GLI3: variants seen among roughly 807,000 people sequenced by gnomAD.
The protein encoded by GLI3 is GLI family zinc finger 3, also known as transcription activator GLI3.
A neutral mutation model predicts 100.8 loss-of-function variants in GLI3; 20 were observed. The ratio of observed to expected loss-of-function variants is 0.20; its 90% CI spans 0.14 to 0.29. The LOEUF is 0.29. GLI3 is among the 10% of genes least tolerant of loss of function. The pLI, the probability that GLI3 is intolerant of heterozygous loss-of-function variation, is 1.00. For synonymous variants in GLI3, 938 were observed against 860.5 expected, an observed-to-expected ratio of 1.09 and a Z score of -1.58; for missense variants, 2,040 against 2,128.5, an observed-to-expected ratio of 0.96 and a Z score of 0.82.
chr7:41,982,712 A>AG (rs983222167), intron 10 of GLI3, among the ~76,000 whole-genome samples: 8 of 151,960 alleles, frequency 5.3e-5, no homozygotes, highest in African/African-American at 1.9e-4. Flanking sequence ...AAAAAAAAAA[A>AG]AAAGAAAATA....
chr7:42,158,556 CTT>C (rs1340979648), intron 2 of GLI3, among the ~76,000 whole-genome samples: 1 of 151,698 alleles, frequency 6.6e-6, no homozygotes, highest in African/African-American at 2.4e-5. Flanking sequence ...AAGGCACAAT[CTT>C]AGCTCACTAC....
At position 41,965,802 on chromosome 7, in the gene GLI3, A is replaced by G. The variant is rs760010914; in HGVS notation, c.3271T>C (p.Phe1091Leu). The change falls in exon 15 of 15, where the codon TTC becomes CTC. Residue 1091 changes from phenylalanine to leucine, a missense_variant. This residue lies in a region of GLI3 where 1,041 missense variants were observed against 924.0 expected (regional missense o/e 1.13). Transcript: ENST00000395925. The part of the protein sequence containing the change: ...DADANLNDED[F>L]LPDDVVQYLN... Reference sequence around the variant, plus strand: ...TACTGCACCACGTCGTCCGGCAGGAAATCCTCATCGTTCAGGTTGGCATCA... The same window carrying G: ...TACTGCACCACGTCGTCCGGCAGGAGATCCTCATCGTTCAGGTTGGCATCA... 1 of 1,612,804 alleles carries G rather than the reference A, an allele frequency of 6.2e-7. No homozygotes were observed. Among genetic ancestry groups the G allele is most frequent in the Non-Finnish European group, 8.5e-7 (1 of 1,179,900 alleles).
chr7:42,130,421 T>C (rs1786246667), intron 3 of GLI3, among the ~76,000 whole-genome samples: 1 of 152,170 alleles, frequency 6.6e-6, no homozygotes, highest in Non-Finnish European at 1.5e-5. Context: ...TTTAGAAGGT[T>C]TTAGAAAGCA....
At chr7:42,233,886 G>A (rs1429198140) in intron 1 of GLI3, among the ~76,000 whole-genome samples, 1 of 152,158 alleles carries the variant, frequency 6.6e-6, no homozygotes, top group South Asian at 2.1e-4. Context: ...AAACGTGTGT[G>A]TATGTGTGTG....
chr7:42,026,124 T>G, intron 8 of GLI3, 75 bp downstream of exon 8: 5 of 936,884 alleles, frequency 5.3e-6, no homozygotes, highest in Non-Finnish European at 8.5e-6. Flanking sequence ...CCGTGTTGAT[T>G]AACAGCTGAC....
chr7:42,212,472 A>G (rs1788290172), intron 2 of GLI3, among the ~76,000 whole-genome samples: 1 of 152,252 alleles, frequency 6.6e-6, no homozygotes, highest in Non-Finnish European at 1.5e-5. Flanking sequence ...TTTATAAAGA[A>G]GACTCCATTT....
chr7:42,229,183 C>A (rs144168547), intron 1 of GLI3, among the ~76,000 whole-genome samples: 213 of 152,352 alleles, frequency 1.4e-3, no homozygotes, highest in African/African-American at 4.4e-3. Flanking sequence ...CAGCAGACTA[C>A]TTCATTTATT....
intron 3 of GLI3, among the ~76,000 whole-genome samples, chr7:42,082,269 C>T (rs1442975179): frequency 2.0e-5 from 3 of 152,056 alleles, no homozygotes; most frequent in African/African-American, 7.2e-5. Flanking sequence ...CTTCTCCAGT[C>T]ATCATCCTCG....
chr7:42,142,855 C>G (rs1050291466), intron 3 of GLI3, among the ~76,000 whole-genome samples: 2 of 142,418 alleles, frequency 1.4e-5, no homozygotes, highest in East Asian at 4.4e-4. Flanking sequence ...AGGAGAATGA[C>G]ATGAACCCGG....
chr7:42,261,161 C>T (rs1314248094), intron 1 of GLI3, among the ~76,000 whole-genome samples: 1 of 151,080 alleles, frequency 6.6e-6, no homozygotes, highest in Non-Finnish European at 1.5e-5. Context: ...GTGGAGCAGG[C>T]ATGTCACATG....
intron 4 of GLI3, among the ~76,000 whole-genome samples, chr7:42,069,926 T>A (rs921575258): frequency 6.6e-6 from 1 of 152,224 alleles, no homozygotes; most frequent in African/African-American, 2.4e-5. Context: ...AAGACCTCTC[T>A]GAGAAGCAGA....
rs202182779 is a variant in GLI3, at chr7:41,966,072, C to T, written c.3001G>A (p.Gly1001Ser). The change falls in exon 15 of 15, where the codon GGC becomes AGC. Residue 1001 changes from glycine to serine, a missense_variant. Transcript: ENST00000395925. The surrounding 1 kb of genome is among the most constrained non-coding windows in gnomAD (Gnocchi z 5.8). ...ACCGGGTCGCTGGCCCTCCTCACGC[C>T]GTGGCCCGGCGCATCGTGCGGCTGC... ...HLQPHDAPGH[G>S]VRRASDPVRT... The T allele has an allele frequency of 1.0e-3, 1,629 of 1,571,886 alleles. 1 individual carries two copies. The highest frequency in any genetic ancestry group is 1.3e-3 in the Non-Finnish European group (1,570 of 1,165,216).
chr7:42,029,730 G>A (rs1789231543), intron 7 of GLI3, among the ~76,000 whole-genome samples: 1 of 152,082 alleles, frequency 6.6e-6, no homozygotes, highest in Non-Finnish European at 1.5e-5. Flanking sequence ...TCACGTTCCA[G>A]CTTAAATGTC....
chr7:42,181,473 C>T (rs1032431463), intron 2 of GLI3, among the ~76,000 whole-genome samples: 5 of 152,070 alleles, frequency 3.3e-5, no homozygotes, highest in East Asian at 1.9e-4. Flanking sequence ...AGTGTGGTGG[C>T]GCATGCCTGT....
chr7:42,134,716 A>G (rs1021096060), intron 3 of GLI3, among the ~76,000 whole-genome samples: 1 of 152,156 alleles, frequency 6.6e-6, no homozygotes, highest in Non-Finnish European at 1.5e-5. Flanking sequence ...TCATTAGACA[A>G]TAAACTATGT....
At chr7:42,223,084 A>C (rs1193098984) in intron 2 of GLI3, 46 bp downstream of exon 2, 3 of 1,610,982 alleles carry the variant, frequency 1.9e-6, no homozygotes, top group Non-Finnish European at 2.5e-6. Flanking sequence ...CAGAGAACAC[A>C]GAAATGACTC....
At chr7:42,113,567 G>A in intron 3 of GLI3, 2 of 1,110,756 alleles carry the variant, frequency 1.8e-6, no homozygotes, top group Non-Finnish European at 1.4e-6. Context: ...TACAGAAAAT[G>A]GAGTTGCCAA....
At chr7:42,055,112 TAC>T (rs1285955883) in intron 4 of GLI3, among the ~76,000 whole-genome samples, 1 of 133,348 alleles carries the variant, frequency 7.5e-6, no homozygotes, top group African/African-American at 3.0e-5. Context: ...TATGTATATA[TAC>T]ACATATATAT....
chr7:42,128,425 A>C (rs1786189040), intron 3 of GLI3, among the ~76,000 whole-genome samples: 1 of 152,230 alleles, frequency 6.6e-6, no homozygotes, highest in Non-Finnish European at 1.5e-5. Context: ...AGCAAGAAGT[A>C]AGATTTTCAA....
Sources: gnomAD v4.1 joint callset for allele counts (sites outside exome capture counted in the v4.1 genomes callset) on GRCh38, gnomAD v4.1.1 for gene constraint, gnomAD v4.1.1 regional missense constraint, Gnocchi (gnomAD v3.1) non-coding constraint, MANE v1.5 for transcripts, NCBI Gene and HGNC (gene_info 2026-07-23, HGNC 2026-07-21) for gene names.